TTLL4: variants seen among roughly 807,000 people sequenced by gnomAD.
TTLL4 encodes tubulin monoglutamylase TTLL4.
In TTLL4, 85 loss-of-function variants were observed where a neutral mutation model predicts 122.7. The observed-to-expected ratio is 0.69, with a 90% CI of 0.58 to 0.83. TTLL4 has a LOEUF of 0.83. Among genes scored for constraint, TTLL4 ranks in the 40% least tolerant of loss-of-function variants. The pLI, the probability that TTLL4 is intolerant of heterozygous loss-of-function variation, is 0.00. For missense variants in TTLL4, 1,363 were observed against 1,488.6 expected (o/e 0.92, Z 1.39); for synonymous variants, 553 against 563.0 (o/e 0.98, Z 0.25).
intron 2 of TTLL4, among the ~76,000 whole-genome samples, chr2:218,733,325 C>T (rs867579991): frequency 6.6e-6 from 1 of 152,054 alleles, no homozygotes; most frequent in Admixed American, 6.6e-5. Context: ...AGCATGGCTG[C>T]GGAGGCCTCA....
intron 2 of TTLL4, among the ~76,000 whole-genome samples, chr2:218,729,759 A>AC (rs200478723): frequency 0.33 from 43,871 of 131,942 alleles, 6,830 homozygotes; most frequent in Non-Finnish European, 0.37. Context: ...AAAAAAAAAA[A>AC]AAACAAAAAA....
downstream of TTLL4, among the ~76,000 whole-genome samples, chr2:218,759,520 A>G (rs1198007823): frequency 6.6e-6 from 1 of 152,234 alleles, no homozygotes; most frequent in African/African-American, 2.4e-5. Context: ...AATGCAAACT[A>G]TAGTCACAGA....
intron 1 of TTLL4, among the ~76,000 whole-genome samples, chr2:218,719,521 C>T (rs76782912): frequency 4.0e-5 from 6 of 149,514 alleles, no homozygotes; most frequent in Admixed American, 1.3e-4. Flanking sequence ...GTAAGACCAG[C>T]GCAGTTCACA....
At position 218,738,567 on chromosome 2, in the gene TTLL4, C is replaced by A. The variant is rs201355420; in HGVS notation, c.891C>A (p.Thr297=). Residue 297 remains threonine (T), a synonymous_variant, in exon 3 of 20, where the codon ACC becomes ACA. Transcript: ENST00000392102. ...LSTASSHDTS[T]TSVASSWYNR... is the part of the protein sequence containing the mutation. ...CCGCTAGCTCCCACGACACATCCAC[C>A]ACCAGTGTTGCCTCTTCCTGGTATA... 8.1e-6 allele frequency: 13 copies of A among 1,614,028 alleles called. No homozygotes were observed. The African/African-American group carries it at 1.5e-4, about 18-fold the overall frequency.
At chr2:218,757,386 A>C (rs1193041631), downstream of TTLL4, among the ~76,000 whole-genome samples, 3 of 152,198 alleles carry the variant, frequency 2.0e-5, no homozygotes, top group Non-Finnish European at 4.4e-5. Flanking sequence ...TTGGTTAAAC[A>C]CTTCACAGTC....
At chr2:218,756,639 G>C (rs1357214520), downstream of TTLL4, among the ~76,000 whole-genome samples, 1 of 152,194 alleles carries the variant, frequency 6.6e-6, no homozygotes, top group African/African-American at 2.4e-5. Flanking sequence ...AGCTAAGCAG[G>C]AATTTTTGAG....
intron 1 of TTLL4, among the ~76,000 whole-genome samples, chr2:218,716,589 G>A (rs1400137141): frequency 6.6e-6 from 1 of 152,124 alleles, no homozygotes; most frequent in Non-Finnish European, 1.5e-5. Context: ...GGAGATCGAG[G>A]CCATCCTGGC....
chr2:218,732,462 T>C (rs6436069), intron 2 of TTLL4, among the ~76,000 whole-genome samples: 75,557 of 151,940 alleles, frequency 0.5, 19,532 homozygotes, highest in African/African-American at 0.61. Flanking sequence ...AGAAAGGTCT[T>C]CCAGGTGTCA....
rs1575187750 is a variant in TTLL4 at position 218,755,335 on chromosome 2, A to G, written c.*946A>G. 1 of 152,168 alleles carries G rather than the reference A, an allele frequency of 6.6e-6. No individual in the cohort carries two copies. The highest frequency in any genetic ancestry group is 2.1e-4 in the South Asian group (1 of 4,820). 9.4% of individuals were successfully genotyped at this position (152,168 alleles called of 1,614,324 possible). On this transcript the variant is annotated 3_prime_UTR_variant, in exon 20 of 20. Coordinates refer to ENST00000392102, the MANE Select transcript of TTLL4 (RefSeq NM_014640.5). ...GTCACTATTGTAGGATGGGCTTCCA[A>G]TCAAACCTCAGACTAAACTCTTGTA...
chr2:218,734,588 AG>A (rs1283833730), intron 2 of TTLL4, among the ~76,000 whole-genome samples: 2 of 152,220 alleles, frequency 1.3e-5, no homozygotes, highest in African/African-American at 4.8e-5. Flanking sequence ...AAAGGGCTCC[AG>A]GAACAGCACT....
chr2:218,751,893 T>TTTTTTCTTTTCTTTTTC (rs1943026710), intron 16 of TTLL4, 87 bp downstream of exon 16: 1 of 867,320 alleles, frequency 1.2e-6, no homozygotes, highest in Non-Finnish European at 1.6e-6. Context: ...TTTTCTTTTT[T>TTTTTTCTTTTCTTTTTC]TTTTTCTTTT....
intron 14 of TTLL4, among the ~76,000 whole-genome samples, chr2:218,749,718 C>G (rs143735099): frequency 2.0e-5 from 3 of 152,126 alleles, no homozygotes; most frequent in Non-Finnish European, 2.9e-5. Context: ...CTGCCCACCT[C>G]GGCCTCCCAA....
At position 218,737,874 on chromosome 2, in the gene TTLL4, G is replaced by C; in HGVS notation, c.198G>C (p.Gly66=). Residue 66 remains glycine, a synonymous_variant, in exon 3 of 20, where the codon GGG becomes GGC. Transcript: ENST00000392102. ...EKKQVETLSA[G]LGPGLLGVPP... ...AGCAAGTGGAGACACTGTCAGCAGG[G>C]TTGGGCCCAGGCCTCTTGGGCGTCC... The C allele has an allele frequency of 6.2e-7, 1 of 1,614,224 alleles. No individual in the cohort carries two copies. The highest frequency in any genetic ancestry group is 8.5e-7 in the Non-Finnish European group (1 of 1,180,050).
At chr2:218,736,521 A>G (rs1488468813) in intron 2 of TTLL4, 1 of 152,226 alleles carries the variant, frequency 6.6e-6, no homozygotes, top group East Asian at 1.9e-4. Context: ...CTTTGGAGTA[A>G]AGAAAGCTTC....
downstream of TTLL4, among the ~76,000 whole-genome samples, chr2:218,756,186 C>T (rs7582329): frequency 0.5 from 75,559 of 151,900 alleles, 19,526 homozygotes; most frequent in African/African-American, 0.61. Context: ...CGGCAAGGAC[C>T]TAGGCACGGA....
At chr2:218,740,625 T>C in intron 5 of TTLL4, 41 bp downstream of exon 5, 1 of 1,607,042 alleles carries the variant, frequency 6.2e-7, no homozygotes, top group Non-Finnish European at 8.5e-7. Context: ...TGCTCATCTT[T>C]TGTCTCTTAA....
chr2:218,742,135 A>T (rs1942718730), intron 5 of TTLL4, among the ~76,000 whole-genome samples: 1 of 151,914 alleles, frequency 6.6e-6, no homozygotes, highest in South Asian at 2.1e-4. Flanking sequence ...AATTAAAAAA[A>T]ATTTTTTTTG....
rs1941678424 is a variant in TTLL4, at chr2:218,710,856, C to G, written c.-359C>G. 1 of 152,358 alleles carries G rather than the reference C, an allele frequency of 6.6e-6. No homozygotes were observed. The highest frequency in any genetic ancestry group is 6.5e-5 in the Admixed American group (1 of 15,292). The allele number at this position is 152,358 out of a possible 1,614,324, so 9.4% of individuals were successfully genotyped here. ...CGCCCTCTTCTTCCAGACTCTCGGT[C>G]TGTCCGCTGGGGGCGCGCGCGGTGT... On this transcript the variant is annotated 5_prime_UTR_variant, in exon 1 of 20. Coordinates refer to ENST00000392102, the MANE Select transcript of TTLL4 (RefSeq NM_014640.5).
Position 218,738,802 on chromosome 2 carries a change from A to G in TTLL4, c.1126A>G (p.Ser376Gly), listed in dbSNP as rs1004103442. Residue 376 changes from serine to glycine, a missense_variant, in exon 3 of 20, where the codon AGC becomes GGC. Physicochemically the swap from Ser to Gly is moderately conservative, Grantham distance 56. This residue lies in a region of TTLL4 where 760 missense variants were observed against 808.4 expected (regional missense o/e 0.94). Coordinates refer to ENST00000392102, the MANE Select transcript of TTLL4 (RefSeq NM_014640.5). ...CTTCCAGTGGAATGTCCTCAACAGG[A>G]GCAGGCGGTGGAAACCTCCTGCGGT... Reference protein sequence around the residue: ...PSFQWNVLNRSRRWKPPAVNQ... With the variant: ...PSFQWNVLNRGRRWKPPAVNQ... 1.2e-6 allele frequency: 2 copies of G among 1,614,078 alleles called. No homozygotes were observed. The highest frequency in any genetic ancestry group is 1.3e-5 in the African/African-American group (1 of 74,934).
Sources: gnomAD v4.1 joint callset for allele counts (sites outside exome capture counted in the v4.1 genomes callset) on GRCh38, gnomAD v4.1.1 for gene constraint, gnomAD v4.1.1 regional missense constraint, MANE v1.5 for transcripts, NCBI Gene and HGNC (gene_info 2026-07-23, HGNC 2026-07-21) for gene names.